Variants in PMPCA observed in about 807,000 individuals in gnomAD.
PMPCA encodes the protein peptidase, mitochondrial processing subunit alpha.
Under a neutral mutation model 59.3 loss-of-function variants are expected in PMPCA, and 47 were observed. The ratio of observed to expected loss-of-function variants is 0.79; its 90% CI spans 0.63 to 1.01. The LOEUF (loss-of-function observed/expected upper bound fraction) is 1.01, where lower values mean the gene tolerates loss of function less well. Ranked by LOEUF, PMPCA falls within the 50% of genes least tolerant of loss-of-function variation. PMPCA has a pLI of 0.00. For missense variants in PMPCA, 726 were observed against 704.5 expected (o/e 1.03, Z -0.34); for synonymous variants, 338 against 290.3 (o/e 1.16, Z -1.67).
rs200189007 is a variant in PMPCA at position 136,418,804 on chromosome 9, C to T, written c.1110-24C>T. The T allele has an allele frequency of 2.4e-4, 380 of 1,586,038 alleles. 2 individuals are homozygous for T. The African/African-American group carries it at 4.4e-3, about 18-fold the overall frequency. ...CTGATCCTGGCGAGTCCCCTTCACT[C>T]CCATGACTCTCGCTTCCTCCCAGGC... is the stretch of plus-strand genomic sequence containing the variant. On this transcript the variant is annotated intron_variant, in intron 9 of 12. Coordinates refer to ENST00000371717, the MANE Select transcript of PMPCA (RefSeq NM_015160.3).
At chr9:136,419,291 C>A in intron 11 of PMPCA, 185 bp downstream of exon 11, 1 of 675,324 alleles carries the variant, frequency 1.5e-6, no homozygotes, top group Non-Finnish European at 2.7e-6. Context: ...CCTGGGAGCC[C>A]GCTGAGGCTG....
At chr9:136,414,865 C>T (rs781074898) in intron 5 of PMPCA, among the ~76,000 whole-genome samples, 26 of 152,324 alleles carry the variant, frequency 1.7e-4, no homozygotes, top group South Asian at 2.1e-4. Context: ...GCAGGCAAAT[C>T]GCTTGAGCCC....
intron 4 of PMPCA, among the ~76,000 whole-genome samples, chr9:136,413,283 G>A (rs142713452): frequency 2.2e-4 from 34 of 152,358 alleles, no homozygotes; most frequent in Admixed American, 4.6e-4. Flanking sequence ...GTTCCAGAAG[G>A]AGTTTGCTAG....
At chr9:136,419,221 C>CGGCAG (rs747133484) in intron 11 of PMPCA, 115 bp downstream of exon 11, 39 of 1,024,400 alleles carry the variant, frequency 3.8e-5, no homozygotes, top group African/African-American at 1.1e-4. Flanking sequence ...GCCAAGGTCC[C>CGGCAG]GGCAGGGCAG....
chr9:136,422,942 C>A, intron 12 of PMPCA, 153 bp from the exon 13 acceptor site: 1 of 1,443,596 alleles, frequency 6.9e-7, no homozygotes, highest in Non-Finnish European at 9.1e-7. Flanking sequence ...CTTGGCTACA[C>A]CCAGTGGCTG....
intron 1 of PMPCA, 93 bp downstream of exon 1, chr9:136,410,832 G>A: frequency 1.8e-6 from 2 of 1,095,954 alleles, no homozygotes; most frequent in Non-Finnish European, 2.4e-6. Context: ...GTGACATGGC[G>A]CCCGTGGGAC....
chr9:136,421,870 G>T lies in PMPCA; in HGVS notation c.1302G>T (p.Met434Ile), dbSNP rs770368994. 3.1e-6 allele frequency: 5 copies of T among 1,607,902 alleles called. No homozygotes were observed. The South Asian group carries it at 5.5e-5, about 18-fold the overall frequency. ...GAGCCAAGACGCAGCTGACATCAAT[G>T]CTCATGATGAACCTGGAATCCAGGC... Reference protein sequence around the residue: ...LERAKTQLTSMLMMNLESRPV... With the variant: ...LERAKTQLTSILMMNLESRPV... The change falls in exon 12 of 13, where the codon ATG becomes ATT. Residue 434 changes from methionine (M) to isoleucine (I), a missense_variant. Coordinates refer to ENST00000371717, the MANE Select transcript of PMPCA (RefSeq NM_015160.3).
chr9:136,421,801 G>T, intron 11 of PMPCA, 31 bp from the exon 12 acceptor site: 2 of 1,556,022 alleles, frequency 1.3e-6, no homozygotes, highest in African/African-American at 2.7e-5. Context: ...CGGGGCGGGT[G>T]TGTGCTCACC....
chr9:136,410,828 T>C, intron 1 of PMPCA, 89 bp downstream of exon 1: 3 of 1,108,510 alleles, frequency 2.7e-6, no homozygotes, highest in Non-Finnish European at 3.5e-6. Flanking sequence ...ACAGGTGACA[T>C]GGCGCCCGTG....
chr9:136,416,893 G>T, intron 6 of PMPCA, 58 bp from the exon 7 acceptor site: 1 of 1,527,138 alleles, frequency 6.5e-7, no homozygotes, highest in Non-Finnish European at 8.9e-7. Context: ...GCTGCTTGTT[G>T]GAGGAAGCCT....
intron 5 of PMPCA, 113 bp downstream of exon 5, chr9:136,414,760 G>A: frequency 1.4e-6 from 1 of 707,320 alleles, no homozygotes; most frequent in South Asian, 1.5e-5. Context: ...GGAGCTTTAG[G>A]CCAACACAAA....
intron 2 of PMPCA, 114 bp downstream of exon 2, chr9:136,412,313 A>T: frequency 1.1e-6 from 1 of 875,914 alleles, no homozygotes; most frequent in Non-Finnish European, 1.9e-6. Flanking sequence ...GAGTGGAAAC[A>T]AAGTGTACGA....
chr9:136,421,404 G>GTGTTTTTGT (rs1770513063), intron 11 of PMPCA, among the ~76,000 whole-genome samples: 1 of 118,008 alleles, frequency 8.5e-6, no homozygotes, highest in Non-Finnish European at 1.7e-5. Context: ...CTGGGTTCCC[G>GTGTTTTTGT]TTTTTTTTTT....
At chr9:136,416,856 C>T in intron 6 of PMPCA, 95 bp from the exon 7 acceptor site, 1 of 1,225,944 alleles carries the variant, frequency 8.2e-7, no homozygotes, top group Non-Finnish European at 1.1e-6. Flanking sequence ...CGGATTTTCC[C>T]AGGGCTGGCT....
chr9:136,417,121 G>C lies in PMPCA; in HGVS notation c.804G>C (p.Arg268=), dbSNP rs1835302478. Residue 268 remains arginine (R), a synonymous_variant, in exon 7 of 13, where the codon CGG becomes CGC. Transcript: ENST00000371717. ...ACGAGCATCTGGTGGACTGTGCCCG[G>C]AAGTACCTCCTGGGGGTCCAGCCGG... ...VEHEHLVDCA[R]KYLLGVQPAW... 1.9e-6 allele frequency: 3 copies of C among 1,613,736 alleles called. No homozygotes were observed. Among genetic ancestry groups the C allele is most frequent in the Non-Finnish European group, 2.5e-6 (3 of 1,179,900 alleles).
At chr9:136,422,524 G>C (rs967610841) in intron 12 of PMPCA, 7 of 1,022,034 alleles carry the variant, frequency 6.8e-6, no homozygotes, top group South Asian at 7.5e-5. Flanking sequence ...CGGGCTTATG[G>C]TGTCACCTGT....
intron 4 of PMPCA, among the ~76,000 whole-genome samples, chr9:136,414,102 G>A (rs1051551595): frequency 1.3e-4 from 20 of 152,246 alleles, no homozygotes; most frequent in Admixed American, 6.5e-4. Context: ...CCAAGGCCGG[G>A]CATGTTTCCA....
chr9:136,418,519 G>A, intron 8 of PMPCA, 36 bp from the exon 9 acceptor site: 2 of 1,310,828 alleles, frequency 1.5e-6, no homozygotes, highest in South Asian at 1.2e-5. Flanking sequence ...GACGTGGCGT[G>A]GGTGGTTCAG....
intron 3 of PMPCA, 117 bp from the exon 4 acceptor site, chr9:136,412,693 T>A: frequency 2.5e-6 from 2 of 813,748 alleles, no homozygotes; most frequent in African/African-American, 1.7e-5. Flanking sequence ...AAAAGACTTT[T>A]AAGTTAAAAG....
Sources: allele counts gnomAD v4.1 joint callset (sites outside exome capture counted in the v4.1 genomes callset), GRCh38; gene constraint gnomAD v4.1.1; transcripts MANE v1.5; gene names NCBI Gene and HGNC (gene_info 2026-07-23, HGNC 2026-07-21).